SENP7: variants seen among roughly 807,000 people sequenced by gnomAD.
SENP7 encodes sentrin-specific protease 7.
SENP7 carries 64 observed loss-of-function variants against 141.2 expected under a neutral mutation model. The observed-to-expected ratio is 0.45, with a 90% CI of 0.37 to 0.56. SENP7 has a LOEUF of 0.56. Ranked by LOEUF, SENP7 falls within the 20% of genes least tolerant of loss-of-function variation. The pLI is 0.00. For synonymous variants in SENP7, 382 were observed against 426.4 expected (o/e 0.90, Z 1.28); for missense variants, 1,025 against 1,212.2 (o/e 0.85, Z 2.29).
intron 12 of SENP7, among the ~76,000 whole-genome samples, chr3:101,350,450 T>C (rs1488204948): frequency 6.6e-6 from 1 of 152,128 alleles, no homozygotes; most frequent in Non-Finnish European, 1.5e-5. Flanking sequence ...AAAAGATTTA[T>C]GGGAACTTGG....
intron 3 of SENP7, among the ~76,000 whole-genome samples, chr3:101,486,246 G>A (rs375083044): frequency 6.6e-6 from 1 of 152,060 alleles, no homozygotes; most frequent in Non-Finnish European, 1.5e-5. Flanking sequence ...CCAAACACAA[G>A]AAGTACAAAG....
rs569698284 is a variant in SENP7 at position 101,457,173 on chromosome 3, G to T, written c.284+1782C>A. On this transcript the variant is annotated intron_variant, in intron 4 of 23. Transcript: ENST00000394095. ...ATCCATAAACAAAAATTCTTAAAAA[G>T]TAGTCATAATATAAAATAGCAGCTC... 11 of 1,106,854 alleles carry T rather than the reference G, an allele frequency of 9.9e-6. No homozygotes were observed. The African/African-American group carries it at 1.6e-4, about 16-fold the overall frequency. 68.6% of individuals were successfully genotyped at this position (1,106,854 alleles called of 1,614,324 possible).
chr3:101,456,718 C>A (rs2063362131), intron 4 of SENP7, among the ~76,000 whole-genome samples: 1 of 152,002 alleles, frequency 6.6e-6, no homozygotes. Flanking sequence ...TCCCAAAGAA[C>A]CTGTGCCCAC....
intron 11 of SENP7, chr3:101,358,321 T>C: frequency 5.7e-6 from 5 of 870,630 alleles, no homozygotes; most frequent in Non-Finnish European, 8.7e-6. Flanking sequence ...ATAAAATAAT[T>C]CATATTGCAC....
At chr3:101,351,130 T>G (rs1260448463) in intron 12 of SENP7, among the ~76,000 whole-genome samples, 2 of 151,988 alleles carry the variant, frequency 1.3e-5, no homozygotes. Context: ...TTTCTTAGTG[T>G]CATAATTTAT....
chr3:101,398,385 G>A (rs2061033108), intron 6 of SENP7, among the ~76,000 whole-genome samples: 8 of 152,158 alleles, frequency 5.3e-5, no homozygotes. Context: ...GCTTGAACCT[G>A]GGAGGCAGAG....
chr3:101,366,390 A>C (rs2060038572), intron 9 of SENP7, 40 bp downstream of exon 9: 1 of 1,396,486 alleles, frequency 7.2e-7, no homozygotes, highest in African/African-American at 1.4e-5. Context: ...TAAGTAAAGC[A>C]GAGGAAATTA....
At chr3:101,377,603 T>C (rs1045830867) in intron 6 of SENP7, among the ~76,000 whole-genome samples, 11 of 152,178 alleles carry the variant, frequency 7.2e-5, no homozygotes, top group African/African-American at 2.7e-4. Flanking sequence ...TTTTCAAATA[T>C]ATCAGAGCAT....
intron 5 of SENP7, among the ~76,000 whole-genome samples, 166 bp from the exon 6 acceptor site, chr3:101,399,221 C>T (rs2061061670): frequency 6.6e-6 from 1 of 152,152 alleles, no homozygotes; most frequent in African/African-American, 2.4e-5. Flanking sequence ...TTTAGAAAAA[C>T]ACAATCTTTT....
intron 4 of SENP7, among the ~76,000 whole-genome samples, chr3:101,429,350 G>C (rs1559811075): frequency 6.6e-6 from 1 of 152,080 alleles, no homozygotes; most frequent in South Asian, 2.1e-4. Flanking sequence ...CCATTTGTTT[G>C]TGTCCTCTTT....
chr3:101,346,520 T>A (rs1343279150), intron 13 of SENP7, among the ~76,000 whole-genome samples: 1 of 152,070 alleles, frequency 6.6e-6, no homozygotes, highest in Non-Finnish European at 1.5e-5. Context: ...TGCCCATCAA[T>A]CAATGAGTGG....
At position 101,443,609 on chromosome 3, in the gene SENP7, A is replaced by G. The variant is rs575704037; in HGVS notation, c.284+15346T>C. ...ATGGAATGTTCTTCCATTTGTTTGT[A>G]TCCTCTTTTATTTCATTGAGCAGTG... On this transcript the variant is annotated intron_variant, in intron 4 of 23. Coordinates refer to ENST00000394095, the MANE Select transcript of SENP7 (RefSeq NM_020654.5). 5.1e-4 allele frequency among the ~76,000 whole-genome samples: 77 copies of G among 151,510 alleles called. 1 individual carries two copies. The highest frequency in any genetic ancestry group is 1.7e-3 in the South Asian group (8 of 4,768).
At chr3:101,431,253 T>C (rs1233845168) in intron 4 of SENP7, among the ~76,000 whole-genome samples, 1 of 152,144 alleles carries the variant, frequency 6.6e-6, no homozygotes, top group Non-Finnish European at 1.5e-5. Context: ...TTCTGTCTCA[T>C]TGATCTGTCT....
In SENP7 at chr3:101,364,849, T is replaced by A. The variant is rs756784830; in HGVS notation, c.1461A>T (p.Thr487=). The part of the protein sequence containing the change: ...ESALLELPLI[T]CESVQMSSEL... ...AATAAATTACCTGTACAGATTCACA[T>A]GTAATCAATGGTAGTTCTAACAATG... The change falls in exon 10 of 24, where the codon ACA becomes ACT. Residue 487 remains threonine (T), a synonymous_variant. Coordinates refer to ENST00000394095, the MANE Select transcript of SENP7 (RefSeq NM_020654.5). 1 of 1,593,974 alleles carries A rather than the reference T, an allele frequency of 6.3e-7. No homozygotes were observed. The highest frequency in any genetic ancestry group is 8.6e-7 in the Non-Finnish European group (1 of 1,168,822).
At chr3:101,443,019 C>T (rs6806203) in intron 4 of SENP7, among the ~76,000 whole-genome samples, 60,403 of 152,034 alleles carry the variant, frequency 0.4, 12,518 homozygotes, top group Admixed American at 0.54. Context: ...CACGAAGTCC[C>T]TGCCCATGCC....
chr3:101,406,359 C>T (rs565569773), intron 5 of SENP7, among the ~76,000 whole-genome samples: 1 of 151,996 alleles, frequency 6.6e-6, no homozygotes, highest in African/African-American at 2.4e-5. Context: ...CGCATGTTCT[C>T]ACTCATAGGT....
At chr3:101,462,766 G>A (rs1341297998) in intron 3 of SENP7, among the ~76,000 whole-genome samples, 1 of 151,906 alleles carries the variant, frequency 6.6e-6, no homozygotes, top group African/African-American at 2.4e-5. Flanking sequence ...TACTGGGGAG[G>A]CTGAGGCATG....
At chr3:101,509,133 T>G (rs778959537) in intron 1 of SENP7, among the ~76,000 whole-genome samples, 1 of 152,104 alleles carries the variant, frequency 6.6e-6, no homozygotes, top group Non-Finnish European at 1.5e-5. Flanking sequence ...ATATATTCAA[T>G]CTTTCCCTCT....
chr3:101,455,156 C>A (rs1333454113), intron 4 of SENP7, among the ~76,000 whole-genome samples: 1 of 152,010 alleles, frequency 6.6e-6, no homozygotes, highest in Non-Finnish European at 1.5e-5. Flanking sequence ...GTTTGATTTC[C>A]CTTAGCACAG....
Sources: gnomAD v4.1 joint callset for allele counts (sites outside exome capture counted in the v4.1 genomes callset) on GRCh38, gnomAD v4.1.1 for gene constraint, MANE v1.5 for transcripts, NCBI Gene and HGNC (gene_info 2026-07-23, HGNC 2026-07-21) for gene names.